The following ZNF521 variants were observed in gnomAD, a reference collection of about 807,000 sequenced individuals.
ZNF521 encodes LYST-interacting protein 3.
Under a neutral mutation model 105.5 loss-of-function variants are expected in ZNF521, and 14 were observed. The ratio of observed to expected loss-of-function variants is 0.13; its 90% CI spans 0.09 to 0.21. The LOEUF is 0.21. Ranked by LOEUF, ZNF521 falls within the 10% of genes least tolerant of loss-of-function variation. The pLI is 1.00. For synonymous variants in ZNF521, 635 were observed against 606.0 expected (o/e 1.05, Z -0.70); for missense variants, 1,233 against 1,629.7 (o/e 0.76, Z 4.19).
chr18:25,246,921 G>C (rs1387475336), intron 3 of ZNF521, among the ~76,000 whole-genome samples: 1 of 152,084 alleles, frequency 6.6e-6, no homozygotes, highest in Admixed American at 6.5e-5. Flanking sequence ...TCTCCTGCTT[G>C]ACAACACCCA....
chr18:25,140,683 A>G (rs1189521692), intron 5 of ZNF521, among the ~76,000 whole-genome samples: 1 of 152,210 alleles, frequency 6.6e-6, no homozygotes, highest in Non-Finnish European at 1.5e-5. Context: ...TGCCGTTTTG[A>G]TAAGAATGAC....
chr18:25,271,065 C>A (rs181637379), intron 3 of ZNF521, among the ~76,000 whole-genome samples: 21 of 152,350 alleles, frequency 1.4e-4, no homozygotes, highest in Non-Finnish European at 5.9e-5. Context: ...TGATAAGCAA[C>A]TTCAGCAGTC....
chr18:25,114,400 G>A (rs908742463), intron 5 of ZNF521, among the ~76,000 whole-genome samples: 6 of 152,116 alleles, frequency 3.9e-5, no homozygotes, highest in Admixed American at 3.9e-4. Context: ...GGAAAACTGA[G>A]GTCTATATTT....
At position 25,224,529 on chromosome 18, in the gene ZNF521, T is replaced by G; in HGVS notation, c.3389A>C (p.Lys1130Thr). ...TGTCTTCAGTCCCCCCACCTTGCCT[T>G]TCCCCTCAATGGCACTCAGATTCTC... is the stretch of plus-strand genomic sequence containing the variant. ...QNENLSAIEG[K>T]GKVGGLKTRC... The change falls in exon 4 of 8, where the codon AAA (lysine) becomes ACA (threonine). Residue 1130 changes from lysine (K) to threonine (T), a missense_variant. By Grantham distance (78) the Lys-to-Thr change is moderately conservative (BLOSUM62 -1). Around this residue, in one of 6 missense-constraint regions of ZNF521, gnomAD observed 614 missense variants for 751.5 expected, o/e 0.82. Transcript: ENST00000361524. The G allele has an allele frequency of 6.2e-7, 1 of 1,613,988 alleles. No homozygotes were observed. Among genetic ancestry groups the G allele is most frequent in the Non-Finnish European group, 8.5e-7 (1 of 1,179,950 alleles).
chr18:25,205,482 A>G (rs1234746455), intron 4 of ZNF521, among the ~76,000 whole-genome samples: 2 of 152,180 alleles, frequency 1.3e-5, no homozygotes, highest in Non-Finnish European at 2.9e-5. Context: ...TGATCATCTG[A>G]TTGTTTTCAT....
At chr18:25,261,862 C>T (rs1908933983) in intron 3 of ZNF521, among the ~76,000 whole-genome samples, 1 of 152,126 alleles carries the variant, frequency 6.6e-6, no homozygotes, top group African/African-American at 2.4e-5. Context: ...TAACTTATTA[C>T]CCACCCCCTG....
chr18:25,242,935 G>T (rs970599657), intron 3 of ZNF521, among the ~76,000 whole-genome samples: 1 of 152,078 alleles, frequency 6.6e-6, no homozygotes, highest in African/African-American at 2.4e-5. Context: ...CTAGATTTTG[G>T]GTTTCTTCAA....
At chr18:25,177,770 T>C (rs1238649375) in intron 5 of ZNF521, among the ~76,000 whole-genome samples, 1 of 152,216 alleles carries the variant, frequency 6.6e-6, no homozygotes, top group Non-Finnish European at 1.5e-5. Context: ...CAAGGATGCA[T>C]CATCATAATT....
intron 5 of ZNF521, among the ~76,000 whole-genome samples, chr18:25,156,162 C>T (rs2035140329): frequency 6.6e-6 from 1 of 152,088 alleles, no homozygotes; most frequent in South Asian, 2.1e-4. Flanking sequence ...GTTAGGTTTT[C>T]CCATTATTAT....
At chr18:25,244,112 T>C (rs1053115248) in intron 3 of ZNF521, among the ~76,000 whole-genome samples, 2 of 152,076 alleles carry the variant, frequency 1.3e-5, no homozygotes, top group African/African-American at 4.8e-5. Context: ...ACTCCAAGAC[T>C]ACCTTCCTTC....
At chr18:25,137,848 T>C (rs1483929137) in intron 5 of ZNF521, among the ~76,000 whole-genome samples, 5 of 152,206 alleles carry the variant, frequency 3.3e-5, no homozygotes, top group Admixed American at 2.6e-4. Context: ...AAGCTAGCGT[T>C]TGATCCTAAG....
chr18:25,296,707 G>C (rs924165171), intron 3 of ZNF521, among the ~76,000 whole-genome samples: 1 of 152,134 alleles, frequency 6.6e-6, no homozygotes, highest in African/African-American at 2.4e-5. Context: ...AGTCTTCCTT[G>C]ACATGAAGGA....
chr18:25,208,422 A>G (rs2036120480), intron 4 of ZNF521, among the ~76,000 whole-genome samples: 1 of 152,204 alleles, frequency 6.6e-6, no homozygotes, highest in Non-Finnish European at 1.5e-5. Context: ...TTATGGTGCT[A>G]AAAGAATCTG....
At chr18:25,320,416 C>A (rs1240313539) in intron 3 of ZNF521, among the ~76,000 whole-genome samples, 2 of 152,192 alleles carry the variant, frequency 1.3e-5, no homozygotes, top group Non-Finnish European at 2.9e-5. Flanking sequence ...GATGATCCAC[C>A]TGCCTCGGCC....
At chr18:25,326,670 T>C (rs982142209) in intron 2 of ZNF521, among the ~76,000 whole-genome samples, 8 of 152,322 alleles carry the variant, frequency 5.3e-5, no homozygotes, top group African/African-American at 1.9e-4. Context: ...GCTGGAGATA[T>C]AAATGAGGTT....
chr18:25,326,974 AGT>A (rs1473057260), intron 2 of ZNF521, among the ~76,000 whole-genome samples: 1 of 152,232 alleles, frequency 6.6e-6, no homozygotes, highest in East Asian at 1.9e-4. Context: ...CACAGTGCCC[AGT>A]GAGTTCAAGA....
chr18:25,178,947 G>C (rs1244589244), intron 5 of ZNF521, among the ~76,000 whole-genome samples: 1 of 152,016 alleles, frequency 6.6e-6, no homozygotes, highest in Non-Finnish European at 1.5e-5. Flanking sequence ...CACTAGCTCT[G>C]TTCTGCTCAC....
At chr18:25,111,622 G>A (rs1302295618) in intron 5 of ZNF521, among the ~76,000 whole-genome samples, 4 of 152,330 alleles carry the variant, frequency 2.6e-5, no homozygotes, top group Middle Eastern at 3.4e-3. Flanking sequence ...ACAATGTGCA[G>A]ACAAGGAAGA....
chr18:25,229,032 A>T (rs1387254796), intron 3 of ZNF521, among the ~76,000 whole-genome samples: 1 of 152,240 alleles, frequency 6.6e-6, no homozygotes, highest in African/African-American at 2.4e-5. Context: ...TTAGAGCATT[A>T]TTAGAATATT....
Sources: gnomAD v4.1 joint callset for allele counts (sites outside exome capture counted in the v4.1 genomes callset) on GRCh38, gnomAD v4.1.1 for gene constraint, gnomAD v4.1.1 regional missense constraint, MANE v1.5 for transcripts, NCBI Gene and HGNC (gene_info 2026-07-23, HGNC 2026-07-21) for gene names.